EXT2: variants seen among roughly 807,000 people sequenced by gnomAD.
EXT2 encodes exostosin-2.
EXT2 carries 53 observed loss-of-function variants against 81.6 expected under a neutral mutation model. The observed-to-expected ratio is 0.65, with a 90% CI of 0.52 to 0.82. EXT2 has a LOEUF of 0.82. Ranked by LOEUF, EXT2 falls within the 40% of genes least tolerant of loss-of-function variation. EXT2 has a pLI of 0.00. For synonymous variants in EXT2, 320 were observed against 340.0 expected, an observed-to-expected ratio of 0.94 and a Z score of 0.65; for missense variants, 774 against 910.2, an observed-to-expected ratio of 0.85 and a Z score of 1.93.
chr11:44,248,924 G>A lies in EXT2; in HGVS notation c.*4637G>A, dbSNP rs1281950265. On this transcript the variant is annotated 3_prime_UTR_variant, in exon 14 of 14. Coordinates refer to ENST00000533608, the MANE Select transcript of EXT2 (RefSeq NM_207122.2). ...GTTGAGTCACCAGCATCTGTATCTG[G>A]CATTTTGTTTCTTCACATTTGCAAC... 6.6e-6 allele frequency among the ~76,000 whole-genome samples: 1 copy of A among 152,106 alleles called. No homozygotes were observed. The highest frequency in any genetic ancestry group is 2.4e-5 in the African/African-American group (1 of 41,416).
At chr11:44,137,699 G>C (rs1954590938) in intron 7 of EXT2, among the ~76,000 whole-genome samples, 1 of 152,130 alleles carries the variant, frequency 6.6e-6, no homozygotes, top group Admixed American at 6.5e-5. Context: ...ATCTTATTGT[G>C]ATACCAGTTT....
chr11:44,191,826 C>T (rs763861198), intron 8 of EXT2, among the ~76,000 whole-genome samples: 2 of 152,122 alleles, frequency 1.3e-5, no homozygotes, highest in African/African-American at 2.4e-5. Context: ...CCTTTCTCCA[C>T]GCTGTCACTG....
At chr11:44,096,982 T>C (rs559800905) in intron 1 of EXT2, among the ~76,000 whole-genome samples, 97 of 152,182 alleles carry the variant, frequency 6.4e-4, no homozygotes, top group Non-Finnish European at 1.3e-3. Flanking sequence ...TTCCCCGACT[T>C]CCTGGTTGCA....
intron 3 of EXT2, among the ~76,000 whole-genome samples, chr11:44,109,688 C>T (rs969299265): frequency 7.2e-5 from 11 of 152,146 alleles, no homozygotes; most frequent in African/African-American, 1.7e-4. Context: ...AATGGGGGCA[C>T]GCTGATTCTC....
intron 7 of EXT2, among the ~76,000 whole-genome samples, chr11:44,139,515 G>T (rs1192054031): frequency 6.6e-6 from 1 of 152,126 alleles, no homozygotes; most frequent in African/African-American, 2.4e-5. Context: ...GCAGAAAGGA[G>T]AATGAGTTCT....
At chr11:44,180,857 T>C (rs1955224964) in intron 8 of EXT2, among the ~76,000 whole-genome samples, 1 of 152,198 alleles carries the variant, frequency 6.6e-6, no homozygotes, top group Admixed American at 6.5e-5. Context: ...ATCCCAGCAC[T>C]GTGGGAGGCC....
intron 9 of EXT2, among the ~76,000 whole-genome samples, chr11:44,200,946 C>T (rs1955514857): frequency 6.6e-6 from 1 of 152,206 alleles, no homozygotes; most frequent in Admixed American, 6.5e-5. Context: ...AAATCCTTAA[C>T]ACAAGGAGTT....
In EXT2 at chr11:44,242,086, A is replaced by G. The variant is rs565865835; in HGVS notation, c.2019-2063A>G. On this transcript the variant is annotated intron_variant, in intron 13 of 13. Coordinates refer to ENST00000533608, the MANE Select transcript of EXT2 (RefSeq NM_207122.2). ...AGTTACAGAGGAGACATTGTCCTCA[A>G]TACTCTCTACAGGGCCTTGGAACCG... Among the ~76,000 whole-genome samples, 6 of 152,326 alleles carry G rather than the reference A, an allele frequency of 3.9e-5. No homozygotes were observed. In the South Asian group the frequency reaches 8.3e-4, roughly 21 times the overall value.
intron 1 of EXT2, among the ~76,000 whole-genome samples, chr11:44,098,666 G>A (rs1953937558): frequency 1.4e-5 from 2 of 147,662 alleles, no homozygotes; most frequent in Non-Finnish European, 3.0e-5. Flanking sequence ...CTGCACTCCA[G>A]CCTGGGCAAC....
intron 7 of EXT2, among the ~76,000 whole-genome samples, chr11:44,142,829 C>A (rs926493600): frequency 1.3e-5 from 2 of 152,204 alleles, no homozygotes; most frequent in Non-Finnish European, 2.9e-5. Context: ...TAGACCTGAT[C>A]CTGCTCCCTT....
chr11:44,122,366 C>G (rs1455432379), intron 4 of EXT2, among the ~76,000 whole-genome samples: 1 of 152,108 alleles, frequency 6.6e-6, no homozygotes, highest in Admixed American at 6.5e-5. Flanking sequence ...TGTAAATTTT[C>G]CTCTTGCTTA....
intron 10 of EXT2, among the ~76,000 whole-genome samples, chr11:44,223,138 A>G (rs1023845386): frequency 6.6e-6 from 1 of 152,272 alleles, no homozygotes; most frequent in African/African-American, 2.4e-5. Context: ...GCAAATGCCA[A>G]TGAGAATACA....
intron 7 of EXT2, among the ~76,000 whole-genome samples, chr11:44,170,196 AG>A (rs1485137506): frequency 2.0e-5 from 3 of 152,222 alleles, no homozygotes; most frequent in African/African-American, 7.2e-5. Flanking sequence ...AGTAGAAATC[AG>A]TAACAGAAAG....
chr11:44,114,034 G>A (rs1954183930), intron 3 of EXT2, 151 bp from the exon 4 acceptor site: 3 of 741,200 alleles, frequency 4.0e-6, no homozygotes, highest in Middle Eastern at 3.6e-4. Flanking sequence ...CCCGAGATGC[G>A]TGTATAAGGC....
intron 10 of EXT2, among the ~76,000 whole-genome samples, chr11:44,207,824 G>T (rs929114764): frequency 6.6e-6 from 1 of 152,024 alleles, no homozygotes; most frequent in African/African-American, 2.4e-5. Flanking sequence ...CACTTAAATT[G>T]AAGGTGGATT....
intron 7 of EXT2, among the ~76,000 whole-genome samples, chr11:44,169,902 A>C (rs1011323088): frequency 3.9e-5 from 6 of 152,164 alleles, no homozygotes; most frequent in African/African-American, 1.4e-4. Context: ...CAAATTTGAA[A>C]TGTATATTTA....
At position 44,154,471 on chromosome 11, in the gene EXT2, ATTCTTT is replaced by A. The variant is rs1242372910; in HGVS notation, c.1174-17137_1174-17132del. ...TCCATGTTGCAAATGACAGGATCTCATTCTTTTTAACAATTGAGTAGTTCTCCATTG... is the reference window on the plus strand; with the variant it reads ...TCCATGTTGCAAATGACAGGATCTCATTAACAATTGAGTAGTTCTCCATTG... On this transcript the variant is annotated intron_variant, in intron 7 of 13. Transcript: ENST00000533608. Among the ~76,000 whole-genome samples, 3 of 152,154 alleles carry A rather than the reference ATTCTTT, an allele frequency of 2.0e-5. No homozygotes were observed. The East Asian group carries it at 5.8e-4, about 29-fold the overall frequency.
intron 10 of EXT2, among the ~76,000 whole-genome samples, chr11:44,212,387 AG>A (rs1955661216): frequency 6.6e-6 from 1 of 151,910 alleles, no homozygotes; most frequent in Non-Finnish European, 1.5e-5. Context: ...ACACAAAAAA[AG>A]TCCTCAACAT....
intron 7 of EXT2, among the ~76,000 whole-genome samples, chr11:44,141,341 G>A (rs562936135): frequency 6.6e-6 from 1 of 152,206 alleles, no homozygotes; most frequent in Non-Finnish European, 1.5e-5. Context: ...TCTGTGATTG[G>A]TTGAATCCAT....
Sources: gnomAD v4.1 joint callset for allele counts (sites outside exome capture counted in the v4.1 genomes callset) on GRCh38, gnomAD v4.1.1 for gene constraint, MANE v1.5 for transcripts, NCBI Gene and HGNC (gene_info 2026-07-23, HGNC 2026-07-21) for gene names.